SLC11A2: variants seen among roughly 807,000 people sequenced by gnomAD.
The protein encoded by SLC11A2 is solute carrier family 11 member 2, also known as natural resistance-associated macrophage protein 2.
SLC11A2 carries 38 observed loss-of-function variants against 68.0 expected under a neutral mutation model. That is an observed-to-expected ratio of 0.56 (90% CI 0.43 to 0.73). The LOEUF is 0.73. Among genes scored for constraint, SLC11A2 ranks in the 30% least tolerant of loss-of-function variants. SLC11A2 has a pLI of 0.00. For missense variants in SLC11A2, 517 were observed against 690.5 expected (o/e 0.75, Z 2.82); for synonymous variants, 242 against 250.6 (o/e 0.97, Z 0.32).
the SLC11A2 span, among the ~76,000 whole-genome samples, chr12:50,968,390 TG>T: frequency 2.4e-3 from 368 of 151,610 alleles, 2 homozygotes; most frequent in African/African-American, 7.4e-3. Flanking sequence ...ATTCTTTTTT[TG>T]TGTGTGTGTG....
intron 8 of SLC11A2, among the ~76,000 whole-genome samples, chr12:50,997,330 G>T (rs759096825): frequency 3.9e-5 from 6 of 152,120 alleles, no homozygotes; most frequent in Non-Finnish European, 7.4e-5. Context: ...AGGGGCCAGA[G>T]AATTCAAGAC....
downstream of SLC11A2, among the ~76,000 whole-genome samples, chr12:50,985,258 T>A (rs1940431889): frequency 1.3e-5 from 2 of 152,166 alleles, no homozygotes; most frequent in South Asian, 4.1e-4. Context: ...CAAAACAGGA[T>A]CCTCACATTG....
chr12:51,016,464 G>A (rs959718443), intron 1 of SLC11A2, among the ~76,000 whole-genome samples: 7 of 151,554 alleles, frequency 4.6e-5, no homozygotes, highest in East Asian at 2.0e-4. Flanking sequence ...CGGGCAGATC[G>A]TGAGGTCGAG....
chr12:50,992,011 C>A (rs1233149956), intron 13 of SLC11A2, among the ~76,000 whole-genome samples, 179 bp downstream of exon 13: 4 of 152,170 alleles, frequency 2.6e-5, no homozygotes, highest in Admixed American at 2.6e-4. Context: ...GTTTAAAAAA[C>A]CAACCATTTC....
chr12:51,008,302 GGTGTGT>G (rs532914132), intron 3 of SLC11A2, 168 bp downstream of exon 3: 78 of 522,256 alleles, frequency 1.5e-4, no homozygotes, highest in African/African-American at 1.1e-3. Flanking sequence ...ATATAGATGG[GGTGTGT>G]GTGTGTGTGT....
the SLC11A2 span, among the ~76,000 whole-genome samples, chr12:50,959,886 G>C: frequency 6.6e-6 from 1 of 152,070 alleles, no homozygotes; most frequent in African/African-American, 2.4e-5. Context: ...CTGACCTCAA[G>C]TGATCCACCC....
At chr12:50,957,933 T>G in the SLC11A2 span, among the ~76,000 whole-genome samples, 2,565 of 132,234 alleles carry the variant, frequency 0.019, 75 homozygotes, top group African/African-American at 0.067. Flanking sequence ...ATTCATGAAT[T>G]GGAGGTGTGT....
chr12:51,025,491 T>G (rs1277995661), intron 1 of SLC11A2, among the ~76,000 whole-genome samples: 1 of 152,184 alleles, frequency 6.6e-6, no homozygotes, highest in African/African-American at 2.4e-5. Flanking sequence ...AAACATAGCT[T>G]CTCCATTTTT....
chr12:51,005,797 T>A (rs2063791270), intron 3 of SLC11A2: 1 of 744,690 alleles, frequency 1.3e-6, no homozygotes, highest in African/African-American at 1.8e-5. Context: ...GTGCCTATAG[T>A]CCAACTACTT....
intron 4 of SLC11A2, 146 bp from the exon 5 acceptor site, chr12:51,005,053 C>A: frequency 9.5e-7 from 1 of 1,057,572 alleles, no homozygotes; most frequent in Non-Finnish European, 1.4e-6. Context: ...AGTTCTATAA[C>A]AGATTTTGCA....
chr12:50,976,613 T>C (rs746543491), downstream of SLC11A2, among the ~76,000 whole-genome samples: 11 of 152,052 alleles, frequency 7.2e-5, no homozygotes, highest in Non-Finnish European at 1.5e-4. Flanking sequence ...CTCTCACCAC[T>C]CCTATTCAAC....
Position 51,026,262 on chromosome 12 carries a change from C to T in SLC11A2, c.-39+48G>A, listed in dbSNP as rs759102624. ...CCCTCGAGCCGCCCCGCGCCCCTCC[C>T]TGCCAGCGAGCGGAATGCCGTGACC... On this transcript the variant is annotated intron_variant, in intron 1 of 15. Coordinates refer to ENST00000262052, the MANE Select transcript of SLC11A2 (RefSeq NM_000617.3). 3.0e-5 allele frequency: 37 copies of T among 1,227,008 alleles called. 1 individual carries two copies. The South Asian group carries it at 4.8e-4, about 16-fold the overall frequency. 76.0% of individuals were successfully genotyped at this position (1,227,008 alleles called of 1,614,324 possible). A position where few individuals can be genotyped will look rare whatever the true frequency, so the allele number is the denominator to read the frequency against.
chr12:50,972,625 G>C, the SLC11A2 span, among the ~76,000 whole-genome samples: 3 of 152,200 alleles, frequency 2.0e-5, no homozygotes, highest in Admixed American at 2.0e-4. Context: ...ATCTCACTGG[G>C]GATTGTCAGA....
Position 50,995,720 on chromosome 12 carries a change from G to C in SLC11A2, c.899C>G (p.Ser300Cys), listed in dbSNP as rs766750713. ...REANKYFFIE[S>C]CIALFVSFII... ...GAAGGAAACAAAGAGTGCAATGCAG[G>C]ATTCAATGAAAAAGTACTTATTGGC... The change falls in exon 10 of 16, where the codon TCC (serine) becomes TGC (cysteine). Residue 300 changes from serine (S) to cysteine (C), a missense_variant. Physicochemically the swap from Ser to Cys is moderately radical, Grantham distance 112 (BLOSUM62 -1). Transcript: ENST00000262052. 8 of 1,613,690 alleles carry C rather than the reference G, an allele frequency of 5.0e-6. No homozygotes were observed. The Admixed American group carries it at 8.3e-5, about 17-fold the overall frequency.
chr12:51,014,882 C>G (rs1943508870), intron 1 of SLC11A2, among the ~76,000 whole-genome samples: 1 of 151,266 alleles, frequency 6.6e-6, no homozygotes, highest in Admixed American at 6.6e-5. Flanking sequence ...TAAAAGAGGT[C>G]AGGCGTGGTG....
At chr12:50,985,709 T>C (rs1268242986), downstream of SLC11A2, among the ~76,000 whole-genome samples, 13 of 152,222 alleles carry the variant, frequency 8.5e-5, no homozygotes, top group Admixed American at 8.5e-4. Flanking sequence ...TAAAATTTTT[T>C]TCCCAAGTTT....
intron 11 of SLC11A2, 115 bp from the exon 12 acceptor site, chr12:50,993,044 A>G (rs1941329707): frequency 1.6e-6 from 2 of 1,267,306 alleles, no homozygotes; most frequent in Middle Eastern, 4.9e-4. Flanking sequence ...ACCAACACCA[A>G]GTGCTGTGCT....
chr12:51,028,120 CTGTACT>C (rs1944461425), upstream of SLC11A2: 2 of 1,119,808 alleles, frequency 1.8e-6, no homozygotes, highest in Admixed American at 4.5e-5. Flanking sequence ...ATTGCTAGAG[CTGTACT>C]TGTCACCCTT....
At position 50,999,255 on chromosome 12, in the gene SLC11A2, G is replaced by A; in HGVS notation, c.608-14C>T. ...GCTTCCGCAAGCCTAAAGGAAAAAA[G>A]GCAGCAGTGAGCTCAGAGAAGGTAG... On this transcript the variant is annotated splice_polypyrimidine_tract_variant and intron_variant, in intron 7 of 15. Transcript: ENST00000262052. The A allele has an allele frequency of 6.2e-7, 1 of 1,614,002 alleles. No individual in the cohort carries two copies.
Sources: allele counts gnomAD v4.1 joint callset (sites outside exome capture counted in the v4.1 genomes callset), GRCh38; gene constraint gnomAD v4.1.1; transcripts MANE v1.5; gene names NCBI Gene and HGNC (gene_info 2026-07-23, HGNC 2026-07-21).